Variants in GIPC2 observed in about 807,000 individuals in gnomAD.
GIPC2 encodes PDZ domain-containing protein GIPC2.
In GIPC2, 30 loss-of-function variants were observed where a neutral mutation model predicts 30.6. The observed-to-expected ratio is 0.98, with a 90% CI of 0.73 to 1.33. The LOEUF is 1.33. Ranked by LOEUF, GIPC2 falls within the 40% of genes most tolerant of loss-of-function variation. GIPC2 has a pLI of 0.00. For synonymous variants in GIPC2, 167 were observed against 150.0 expected, an observed-to-expected ratio of 1.11 and a Z score of -0.83; for missense variants, 414 against 390.3, an observed-to-expected ratio of 1.06 and a Z score of -0.51.
intron 5 of GIPC2, among the ~76,000 whole-genome samples, chr1:78,134,941 T>C (rs1388181328): frequency 6.6e-6 from 1 of 152,212 alleles, no homozygotes; most frequent in East Asian, 1.9e-4. Context: ...CTGAAGATGC[T>C]GGTTCCAAGA....
intron 4 of GIPC2, among the ~76,000 whole-genome samples, chr1:78,125,438 C>T (rs559991895): frequency 2.6e-4 from 40 of 152,152 alleles, no homozygotes; most frequent in Non-Finnish European, 5.3e-4. Context: ...AACTCTCCCA[C>T]CGTGGCCTTC....
At chr1:78,063,379 C>G in intron 1 of GIPC2, among the ~76,000 whole-genome samples, 1 of 151,838 alleles carries the variant, frequency 6.6e-6, no homozygotes, top group East Asian at 1.9e-4. Context: ...GTAATCCTAG[C>G]TACTCGGGAG....
At chr1:78,049,224 C>T (rs1274648780) in intron 1 of GIPC2, among the ~76,000 whole-genome samples, 9 of 152,120 alleles carry the variant, frequency 5.9e-5, no homozygotes, top group African/African-American at 1.4e-4. Flanking sequence ...TGCAGTGGCA[C>T]GATCTTGGCT....
intron 4 of GIPC2, among the ~76,000 whole-genome samples, chr1:78,125,409 T>C (rs566236): frequency 0.22 from 32,990 of 151,968 alleles, 4,053 homozygotes; most frequent in East Asian, 0.61. Context: ...GGGCTGGTCT[T>C]GAACTCCTAG....
intron 3 of GIPC2, among the ~76,000 whole-genome samples, chr1:78,117,526 A>C (rs759858457): frequency 6.6e-6 from 1 of 152,230 alleles, no homozygotes; most frequent in African/African-American, 2.4e-5. Flanking sequence ...CACATGCACA[A>C]TTCACAGTAG....
chr1:78,096,424 C>T lies in GIPC2; in HGVS notation c.607+1292C>T, dbSNP rs559726575. On this transcript the variant is annotated intron_variant, in intron 3 of 5. Transcript: ENST00000370759. ...AATCAAAGCCATTCTATTAGCATAA[C>T]TCAAGAAATCTATTTTTTTCTGTAT... Among the ~76,000 whole-genome samples the T allele has an allele frequency of 2.6e-5, 4 of 151,548 alleles. No homozygotes were observed. The East Asian group carries it at 5.8e-4, about 22-fold the overall frequency.
rs1661075976 is a variant in GIPC2, at chr1:78,046,190, C to T, written c.96C>T (p.Leu32=). 1 of 1,579,348 alleles carries T rather than the reference C, an allele frequency of 6.3e-7. No individual in the cohort carries two copies. The highest frequency in any genetic ancestry group is 8.6e-7 in the Non-Finnish European group (1 of 1,164,868). ...GEPTGAGGGS[L]SASRAPARRL... Reference sequence around the variant, plus strand: ...CGACGGGCGCGGGCGGCGGGAGCCTCTCAGCGTCCCGGGCTCCCGCACGCA... The same window carrying T: ...CGACGGGCGCGGGCGGCGGGAGCCTTTCAGCGTCCCGGGCTCCCGCACGCA... The change falls in exon 1 of 6, where the codon CTC becomes CTT. Residue 32 remains leucine (L), a synonymous_variant. Transcript: ENST00000370759.
At chr1:78,102,976 A>G (rs190302868) in intron 3 of GIPC2, among the ~76,000 whole-genome samples, 3 of 152,344 alleles carry the variant, frequency 2.0e-5, no homozygotes, top group Admixed American at 6.5e-5. Flanking sequence ...ATATGTCAGT[A>G]CATCATAATA....
At chr1:78,052,368 T>A (rs1237485839) in intron 1 of GIPC2, among the ~76,000 whole-genome samples, 11 of 152,246 alleles carry the variant, frequency 7.2e-5, no homozygotes, top group Admixed American at 7.2e-4. Flanking sequence ...TGTTTACTGA[T>A]GTGGCCCTCA....
At chr1:78,116,332 CCAAACCATAT>C (rs1662565978) in intron 3 of GIPC2, among the ~76,000 whole-genome samples, 1 of 152,096 alleles carries the variant, frequency 6.6e-6, no homozygotes, top group Non-Finnish European at 1.5e-5. Context: ...GAACACAGAG[CCAAACCATAT>C]CACCTAGGTT....
At chr1:78,081,089 C>G (rs1661818581) in intron 2 of GIPC2, among the ~76,000 whole-genome samples, 1 of 152,128 alleles carries the variant, frequency 6.6e-6, no homozygotes. Flanking sequence ...TTAGAACTAA[C>G]TGAAAGGAAA....
At chr1:78,095,824 A>G (rs1230615779) in intron 3 of GIPC2, among the ~76,000 whole-genome samples, 1 of 152,182 alleles carries the variant, frequency 6.6e-6, no homozygotes, top group Non-Finnish European at 1.5e-5. Context: ...AAATATCTGT[A>G]GCAGAATCAT....
chr1:78,089,490 T>C (rs1298488191), intron 2 of GIPC2, among the ~76,000 whole-genome samples: 1 of 152,210 alleles, frequency 6.6e-6, no homozygotes. Flanking sequence ...TTTATAGTTT[T>C]GTATGGTTCA....
intron 3 of GIPC2, among the ~76,000 whole-genome samples, chr1:78,100,941 T>TACACACACAC (rs71590709): frequency 9.1e-4 from 104 of 114,876 alleles, no homozygotes; most frequent in Non-Finnish European, 8.1e-4. Context: ...AAAAAAAAAA[T>TACACACACAC]ACACACACAC....
In GIPC2 at chr1:78,096,807, C is replaced by G. The variant is rs566078090; in HGVS notation, c.607+1675C>G. Among the ~76,000 whole-genome samples the G allele has an allele frequency of 2.0e-5, 3 of 152,248 alleles. No homozygotes were observed. In the East Asian group the frequency reaches 5.8e-4, roughly 29 times the overall value. On this transcript the variant is annotated intron_variant, in intron 3 of 5. Transcript: ENST00000370759. ...AATAGAGGTATATTATTTGAGCATC[C>G]TGAATTCTGGTAGGGCTGTTGGTTA... is the stretch of plus-strand genomic sequence containing the variant.
rs201220553 is a variant in GIPC2, at chr1:78,046,214, C to A, written c.120C>A (p.Arg40=). 5.0e-4 allele frequency: 806 copies of A among 1,598,042 alleles called. 13 individuals carry two copies. In the East Asian group the frequency reaches 0.018, roughly 36 times the overall value. Residue 40 remains arginine (R), a synonymous_variant, in exon 1 of 6, where the codon CGC becomes CGA. Coordinates refer to ENST00000370759, the MANE Select transcript of GIPC2 (RefSeq NM_017655.6). ...TCTCAGCGTCCCGGGCTCCCGCACG[C>A]AGGCTGGTCTTCCACGCGCAGCTGG... is the stretch of plus-strand genomic sequence containing the variant. ...GSLSASRAPA[R]RLVFHAQLAH...
chr1:78,127,010 G>A (rs1662795585), intron 5 of GIPC2, among the ~76,000 whole-genome samples: 2 of 152,162 alleles, frequency 1.3e-5, no homozygotes, highest in South Asian at 4.1e-4. Flanking sequence ...GTTCCACTAA[G>A]TAGGGCAGTT....
At chr1:78,119,722 A>G (rs1213226180) in intron 4 of GIPC2, among the ~76,000 whole-genome samples, 1 of 152,174 alleles carries the variant, frequency 6.6e-6, no homozygotes, top group African/African-American at 2.4e-5. Context: ...TAGACTCTAT[A>G]GACAGCTGGA....
At chr1:78,132,665 A>ATGTGTG (rs61463492) in intron 5 of GIPC2, among the ~76,000 whole-genome samples, 5,752 of 142,514 alleles carry the variant, frequency 0.04, 123 homozygotes, top group Middle Eastern at 0.056. Context: ...ATAGCCAAGG[A>ATGTGTG]TGTGTGTGTG....
Sources: allele counts gnomAD v4.1 joint callset (sites outside exome capture counted in the v4.1 genomes callset), GRCh38; gene constraint gnomAD v4.1.1; transcripts MANE v1.5; gene names NCBI Gene and HGNC (gene_info 2026-07-23, HGNC 2026-07-21).